AFF1: variants seen among roughly 807,000 people sequenced by gnomAD.
The protein encoded by AFF1 is ALF transcription elongation factor 1.
Under a neutral mutation model 121.7 loss-of-function variants are expected in AFF1, and 48 were observed. The observed-to-expected ratio is 0.39, with a 90% CI of 0.31 to 0.50. The LOEUF (loss-of-function observed/expected upper bound fraction) is 0.50. Ranked by LOEUF, AFF1 falls within the 20% of genes least tolerant of loss-of-function variation. AFF1 has a pLI of 0.76. For synonymous variants in AFF1, 613 were observed against 563.0 expected, an observed-to-expected ratio of 1.09 and a Z score of -1.26; for missense variants, 1,523 against 1,511.7, an observed-to-expected ratio of 1.01 and a Z score of -0.12.
At chr4:87,083,801 A>C (rs1265061084) in intron 4 of AFF1, among the ~76,000 whole-genome samples, 1 of 152,048 alleles carries the variant, frequency 6.6e-6, no homozygotes, top group Admixed American at 6.6e-5. Context: ...TGTTTTATAT[A>C]TATACAGCCA....
intron 4 of AFF1, among the ~76,000 whole-genome samples, chr4:87,068,081 C>T (rs112082568): frequency 1.1e-4 from 17 of 151,926 alleles, no homozygotes; most frequent in Non-Finnish European, 2.4e-4. Context: ...GGATAAATAA[C>T]GAAACTTAGG....
At chr4:86,948,236 T>A (rs1721007606) in intron 1 of AFF1, among the ~76,000 whole-genome samples, 1 of 152,120 alleles carries the variant, frequency 6.6e-6, no homozygotes, top group South Asian at 2.1e-4. Flanking sequence ...CCTTTTCTCC[T>A]CCCCCTCCTC....
chr4:86,955,194 C>A (rs1242377009), intron 2 of AFF1, among the ~76,000 whole-genome samples: 1 of 152,140 alleles, frequency 6.6e-6, no homozygotes, highest in East Asian at 1.9e-4. Flanking sequence ...AGTGGAAAAA[C>A]CAATAAGCAT....
intron 2 of AFF1, among the ~76,000 whole-genome samples, chr4:86,981,219 A>C (rs988182789): frequency 6.6e-6 from 1 of 151,992 alleles, no homozygotes; most frequent in Non-Finnish European, 1.5e-5. Context: ...TCACCATGTT[A>C]GCCAGGATGG....
chr4:86,976,870 G>C (rs1723343158), intron 2 of AFF1, among the ~76,000 whole-genome samples: 1 of 152,220 alleles, frequency 6.6e-6, no homozygotes, highest in Non-Finnish European at 1.5e-5. Flanking sequence ...TTGTGCCTCA[G>C]TTTCCTCATC....
intron 2 of AFF1, among the ~76,000 whole-genome samples, chr4:86,954,917 A>G (rs924502511): frequency 6.6e-6 from 1 of 152,178 alleles, no homozygotes; most frequent in Non-Finnish European, 1.5e-5. Context: ...TCTTCTGTTC[A>G]ATATATTTAA....
chr4:87,047,780 T>C (rs955698792), intron 4 of AFF1, 186 bp downstream of exon 4: 1 of 811,658 alleles, frequency 1.2e-6, no homozygotes. Context: ...CGACTGATTA[T>C]AGATATTGAA....
chr4:87,129,487 C>T (rs1728606110), intron 16 of AFF1, among the ~76,000 whole-genome samples: 1 of 152,142 alleles, frequency 6.6e-6, no homozygotes, highest in Non-Finnish European at 1.5e-5. Context: ...TATTTCTAGC[C>T]TAAAGCCAAT....
chr4:87,132,494 C>T (rs1728928237), intron 19 of AFF1, 86 bp downstream of exon 19: 1 of 1,374,382 alleles, frequency 7.3e-7, no homozygotes, highest in Admixed American at 2.7e-5. Context: ...TGTATGCTTA[C>T]ATATGTCACT....
chr4:86,982,389 T>A (rs1371649083), intron 2 of AFF1, among the ~76,000 whole-genome samples: 2 of 9,474 alleles, frequency 2.1e-4, no homozygotes, highest in Non-Finnish European at 3.5e-4. Flanking sequence ...AAAAATTGGC[T>A]TTTTTTTTTT....
At chr4:87,112,535 C>T (rs1381836687) in intron 11 of AFF1, among the ~76,000 whole-genome samples, 1 of 152,154 alleles carries the variant, frequency 6.6e-6, no homozygotes, top group Non-Finnish European at 1.5e-5. Flanking sequence ...CACACTAAAC[C>T]CAAACTATCT....
At chr4:87,061,723 C>T (rs1720807869) in intron 4 of AFF1, among the ~76,000 whole-genome samples, 1 of 152,152 alleles carries the variant, frequency 6.6e-6, no homozygotes, top group Non-Finnish European at 1.5e-5. Context: ...AATGTTCTCT[C>T]CGTCAATTCA....
chr4:87,094,473 G>A (rs1724626658), intron 7 of AFF1, among the ~76,000 whole-genome samples: 1 of 152,212 alleles, frequency 6.6e-6, no homozygotes, highest in Non-Finnish European at 1.5e-5. Context: ...TGCAGGTGGG[G>A]AGTTGAATAA....
At chr4:87,022,979 C>T (rs556963922) in intron 2 of AFF1, among the ~76,000 whole-genome samples, 19 of 151,926 alleles carry the variant, frequency 1.3e-4, no homozygotes, top group African/African-American at 2.7e-4. Flanking sequence ...CATAGCTTAC[C>T]GCAGCATTAG....
rs147503520 is a variant in AFF1, at chr4:87,065,740, G to A, written c.1059+18146G>A. On this transcript the variant is annotated intron_variant, in intron 4 of 20. Transcript: ENST00000395146. ...TTAAACATTTTCTTGCCTTACCAGC[G>A]GATGGCTTCCTTGTGCTTAAAGAAC... Among the ~76,000 whole-genome samples, 290 of 152,188 alleles carry A rather than the reference G, an allele frequency of 1.9e-3. 1 individual carries two copies. Among genetic ancestry groups the A allele is most frequent in the Non-Finnish European group, 3.3e-3 (227 of 68,016 alleles).
intron 11 of AFF1, among the ~76,000 whole-genome samples, chr4:87,109,143 C>G (rs1054947386): frequency 6.6e-6 from 1 of 152,044 alleles, no homozygotes; most frequent in South Asian, 2.1e-4. Context: ...CAGCCCACAT[C>G]GAGAAAATTA....
At chr4:86,974,397 C>T (rs1034926283) in intron 2 of AFF1, among the ~76,000 whole-genome samples, 5 of 152,180 alleles carry the variant, frequency 3.3e-5, no homozygotes, top group African/African-American at 1.2e-4. Context: ...ATGCGCCTGC[C>T]TCGGTCTCCC....
intron 4 of AFF1, among the ~76,000 whole-genome samples, chr4:87,060,975 A>C (rs1179984541): frequency 6.6e-6 from 1 of 152,108 alleles, no homozygotes; most frequent in Non-Finnish European, 1.5e-5. Context: ...TAAAGGATAA[A>C]ACCGGTACCG....
intron 2 of AFF1, chr4:87,007,067 G>C: frequency 8.3e-7 from 1 of 1,208,328 alleles, no homozygotes; most frequent in Non-Finnish European, 1.0e-6. Flanking sequence ...GTCTTCGAGC[G>C]TGGGGGCCCG....
Sources: gnomAD v4.1 joint callset for allele counts (sites outside exome capture counted in the v4.1 genomes callset) on GRCh38, gnomAD v4.1.1 for gene constraint, MANE v1.5 for transcripts, NCBI Gene and HGNC (gene_info 2026-07-23, HGNC 2026-07-21) for gene names.